The following TTF1 variants were observed in gnomAD, a reference collection of about 807,000 sequenced individuals.
TTF1 encodes the protein transcription termination factor, RNA polymerase I.
A neutral mutation model predicts 80.2 loss-of-function variants in TTF1; 64 were observed. That is an observed-to-expected ratio of 0.80 (90% CI 0.65 to 0.98). TTF1 has a LOEUF of 0.98. Ranked by LOEUF, TTF1 falls within the 50% of genes least tolerant of loss-of-function variation. The probability of loss-of-function intolerance (pLI) is 0.00; values close to 1 mark genes in which losing one functional copy is unlikely to be tolerated. For missense variants in TTF1, 1,023 were observed against 1,086.2 expected (o/e 0.94, Z 0.82); for synonymous variants, 372 against 382.7 (o/e 0.97, Z 0.33).
At chr9:132,397,000 G>A (rs2131643066) in intron 4 of TTF1, among the ~76,000 whole-genome samples, 1 of 152,184 alleles carries the variant, frequency 6.6e-6, no homozygotes, top group Non-Finnish European at 1.5e-5. Flanking sequence ...CTCCCAGAGT[G>A]CTGGGATTAC....
intron 10 of TTF1, among the ~76,000 whole-genome samples, chr9:132,377,109 C>G (rs1416221952): frequency 6.6e-6 from 1 of 152,114 alleles, no homozygotes; most frequent in Admixed American, 6.5e-5. Context: ...TATGTGTATG[C>G]TTCTGTGTAT....
intron 9 of TTF1, among the ~76,000 whole-genome samples, chr9:132,385,963 C>T (rs1323515468): frequency 1.3e-5 from 2 of 152,106 alleles, no homozygotes; most frequent in African/African-American, 4.8e-5. Flanking sequence ...TAGAAAAATG[C>T]CTGGCATATA....
chr9:132,398,363 G>C (rs1310646387), intron 3 of TTF1, 37 bp from the exon 4 acceptor site: 1 of 1,464,526 alleles, frequency 6.8e-7, no homozygotes, highest in East Asian at 2.5e-5. Context: ...AGTGTGTATT[G>C]TTAATAATGA....
At chr9:132,392,496 A>T (rs1849577550) in intron 5 of TTF1, among the ~76,000 whole-genome samples, 1 of 151,782 alleles carries the variant, frequency 6.6e-6, no homozygotes, top group Non-Finnish European at 1.5e-5. Flanking sequence ...GCCTTCCTCC[A>T]CCCGACCTGG....
At chr9:132,399,982 T>C in intron 3 of TTF1, 53 bp downstream of exon 3, 1 of 1,576,034 alleles carries the variant, frequency 6.3e-7, no homozygotes, top group Non-Finnish European at 8.7e-7. Context: ...GAAAGTTAGG[T>C]GCTAGCTCTG....
intron 8 of TTF1, 43 bp from the exon 9 acceptor site, chr9:132,386,664 C>T: frequency 6.6e-7 from 1 of 1,519,736 alleles, no homozygotes. Context: ...CAAAAATAAT[C>T]ATGATAGCCA....
At chr9:132,392,046 G>A (rs139874955) in intron 6 of TTF1, 30 bp downstream of exon 6, 2 of 1,613,066 alleles carry the variant, frequency 1.2e-6, no homozygotes, top group Non-Finnish European at 1.7e-6. Flanking sequence ...TATTTCTTCA[G>A]CGAGGTGGGC....
chr9:132,393,918 ATTTC>A, intron 5 of TTF1, among the ~76,000 whole-genome samples: 1 of 151,550 alleles, frequency 6.6e-6, no homozygotes, highest in Non-Finnish European at 1.5e-5. Flanking sequence ...AAAAAATACA[ATTTC>A]TTTTTTTTTT....
chr9:132,385,451 T>G (rs1673665010), intron 9 of TTF1, among the ~76,000 whole-genome samples: 1 of 152,024 alleles, frequency 6.6e-6, no homozygotes, highest in Non-Finnish European at 1.5e-5. Flanking sequence ...GGCGTGGGAG[T>G]CTGGCCTGCA....
chr9:132,395,048 C>T (rs1181743736), intron 5 of TTF1, among the ~76,000 whole-genome samples: 2 of 151,508 alleles, frequency 1.3e-5, no homozygotes, highest in Non-Finnish European at 2.9e-5. Flanking sequence ...AAAAATTAGC[C>T]GGGCGTGGTG....
intron 9 of TTF1, among the ~76,000 whole-genome samples, chr9:132,383,907 A>T (rs1849415690): frequency 6.6e-6 from 1 of 152,218 alleles, no homozygotes; most frequent in African/African-American, 2.4e-5. Context: ...GGTAAAATAC[A>T]TATATAGCCA....
intron 1 of TTF1, 81 bp from the exon 2 acceptor site, chr9:132,402,909 G>A (rs576254519): frequency 2.2e-6 from 3 of 1,367,492 alleles, no homozygotes; most frequent in South Asian, 1.5e-5. Context: ...AGGCTGGAGT[G>A]CAGTGGCGCG....
At chr9:132,379,943 C>T (rs1793568847) in intron 9 of TTF1, among the ~76,000 whole-genome samples, 1 of 152,208 alleles carries the variant, frequency 6.6e-6, no homozygotes, top group South Asian at 2.1e-4. Context: ...AAATGATTAG[C>T]ATGAAGAATT....
chr9:132,390,815 A>G lies in TTF1; in HGVS notation c.2004T>C (p.Ala668=), dbSNP rs750852780. 16 of 1,614,002 alleles carry G rather than the reference A, an allele frequency of 9.9e-6. No individual in the cohort carries two copies. The East Asian group carries it at 3.3e-4, about 34-fold the overall frequency. Residue 668 remains alanine (A), a synonymous_variant, in exon 7 of 11, where the codon GCT becomes GCC. Coordinates refer to ENST00000334270, the MANE Select transcript of TTF1 (RefSeq NM_007344.4). ...GTTTCCGGGTTTCAGACTTACTCCAAGCACCACGATTTCTTTCTGTAGATA... is the reference window on the plus strand; with the variant it reads ...GTTTCCGGGTTTCAGACTTACTCCAGGCACCACGATTTCTTTCTGTAGATA... ...SQISSQRNRG[A]WSKSETRKLI... is the part of the protein sequence containing the mutation.
chr9:132,388,299 T>A, intron 7 of TTF1, 71 bp from the exon 8 acceptor site: 3 of 1,156,218 alleles, frequency 2.6e-6, no homozygotes, highest in South Asian at 1.4e-5. Flanking sequence ...CCTATATTTT[T>A]CTTATCTAAA....
intron 3 of TTF1, among the ~76,000 whole-genome samples, chr9:132,399,395 C>G (rs1182410124): frequency 6.6e-6 from 1 of 151,848 alleles, no homozygotes; most frequent in South Asian, 2.1e-4. Context: ...AAGGTTATGA[C>G]TCCTCTTTTT....
At position 132,386,538 on chromosome 9, in the gene TTF1, T is replaced by G. The variant is rs369241191; in HGVS notation, c.2378+18A>C. On this transcript the variant is annotated intron_variant, in intron 9 of 10. Transcript: ENST00000334270. ...TCTCTATATTTTAATTAGTTTAATA[T>G]TAAACAAATGGTCTTACCCTATGGC... The G allele has an allele frequency of 1.3e-5, 21 of 1,583,744 alleles. No homozygotes were observed. Among genetic ancestry groups the G allele is most frequent in the Admixed American group, 8.5e-5 (5 of 58,498 alleles).
At chr9:132,397,024 C>T (rs546186276) in intron 4 of TTF1, among the ~76,000 whole-genome samples, 164 of 152,112 alleles carry the variant, frequency 1.1e-3, no homozygotes, top group African/African-American at 3.6e-3. Flanking sequence ...CATGAGCCAC[C>T]GCGCCCGGCC....
intron 7 of TTF1, among the ~76,000 whole-genome samples, chr9:132,389,397 G>A (rs1325892139): frequency 6.6e-6 from 1 of 151,674 alleles, no homozygotes; most frequent in African/African-American, 2.4e-5. Flanking sequence ...TGGCCAGTCT[G>A]GTCTTGAACT....
Sources: gnomAD v4.1 joint callset for allele counts (sites outside exome capture counted in the v4.1 genomes callset) on GRCh38, gnomAD v4.1.1 for gene constraint, MANE v1.5 for transcripts, NCBI Gene and HGNC (gene_info 2026-07-23, HGNC 2026-07-21) for gene names.